Variants in PLEKHM3 observed in about 807,000 individuals in gnomAD.
PLEKHM3 encodes pleckstrin homology domain-containing family M member 3.
Under a neutral mutation model 81.8 loss-of-function variants are expected in PLEKHM3, and 45 were observed. That is an observed-to-expected ratio of 0.55 (90% CI 0.43 to 0.71). The LOEUF (loss-of-function observed/expected upper bound fraction) is 0.71, where lower values mean the gene tolerates loss of function less well. Ranked by LOEUF, PLEKHM3 falls within the 30% of genes least tolerant of loss-of-function variation. PLEKHM3 has a pLI of 0.00. For missense variants in PLEKHM3, 788 were observed against 924.3 expected, an observed-to-expected ratio of 0.85 and a Z score of 1.91; for synonymous variants, 352 against 356.4, an observed-to-expected ratio of 0.99 and a Z score of 0.14.
At chr2:207,940,070 C>T (rs1559247419) in intron 4 of PLEKHM3, among the ~76,000 whole-genome samples, 1 of 152,056 alleles carries the variant, frequency 6.6e-6, no homozygotes, top group Non-Finnish European at 1.5e-5. Context: ...TTTGATGTTC[C>T]CAGGGGACAG....
chr2:208,017,379 G>A (rs1692957291), intron 1 of PLEKHM3, among the ~76,000 whole-genome samples: 1 of 152,150 alleles, frequency 6.6e-6, no homozygotes, highest in South Asian at 2.1e-4. Context: ...AACTGGTGGA[G>A]GGAGTGGCGA....
At chr2:207,930,573 G>A (rs575830859) in intron 5 of PLEKHM3, among the ~76,000 whole-genome samples, 53 of 152,094 alleles carry the variant, frequency 3.5e-4, no homozygotes, top group African/African-American at 1.2e-3. Context: ...TTGAAATTGG[G>A]AAAAGTATAA....
intron 3 of PLEKHM3, among the ~76,000 whole-genome samples, chr2:207,955,601 C>T (rs1249460707): frequency 6.6e-6 from 1 of 152,048 alleles, no homozygotes; most frequent in African/African-American, 2.4e-5. Context: ...AGGTATTATG[C>T]CCATTTTACA....
intron 7 of PLEKHM3, among the ~76,000 whole-genome samples, chr2:207,844,360 T>G (rs1439144073): frequency 1.3e-5 from 2 of 150,146 alleles, no homozygotes; most frequent in African/African-American, 4.9e-5. Flanking sequence ...TGGAGTGCAG[T>G]GGCGCGATCT....
At chr2:207,886,256 A>G (rs1574371619) in intron 6 of PLEKHM3, among the ~76,000 whole-genome samples, 1 of 152,204 alleles carries the variant, frequency 6.6e-6, no homozygotes, top group Admixed American at 6.5e-5. Context: ...CACGGAGGGA[A>G]ATGGGGAATC....
intron 1 of PLEKHM3, among the ~76,000 whole-genome samples, chr2:208,014,475 C>T (rs1034461223): frequency 5.9e-5 from 9 of 152,174 alleles, no homozygotes; most frequent in African/African-American, 1.4e-4. Flanking sequence ...GAAACCCCGT[C>T]TCTACTAAAA....
intron 5 of PLEKHM3, among the ~76,000 whole-genome samples, chr2:207,925,140 G>GT (rs1189512339): frequency 9.3e-5 from 11 of 118,372 alleles, no homozygotes; most frequent in African/African-American, 2.0e-4. Flanking sequence ...TTGTTTTTTT[G>GT]TTTTTTGTTT....
chr2:207,876,605 T>C (rs186631427), intron 6 of PLEKHM3, among the ~76,000 whole-genome samples: 105 of 152,344 alleles, frequency 6.9e-4, no homozygotes, highest in African/African-American at 2.3e-3. Context: ...GCAGTGTCAA[T>C]AGCCATATCT....
chr2:207,998,728 A>C (rs191281356), intron 2 of PLEKHM3, among the ~76,000 whole-genome samples: 1 of 152,326 alleles, frequency 6.6e-6, no homozygotes, highest in East Asian at 1.9e-4. Flanking sequence ...TACAGAGCCT[A>C]ATGAAGGCTG....
chr2:207,984,537 C>T (rs111672418), intron 2 of PLEKHM3, among the ~76,000 whole-genome samples: 2,674 of 152,226 alleles, frequency 0.018, 82 homozygotes, highest in African/African-American at 0.061. Context: ...TGTGCCACCA[C>T]ACCCAGCTGG....
intron 2 of PLEKHM3, among the ~76,000 whole-genome samples, chr2:207,981,532 A>G (rs1691523973): frequency 6.6e-6 from 1 of 152,090 alleles, no homozygotes; most frequent in Non-Finnish European, 1.5e-5. Context: ...TTCTTTGTAG[A>G]GAAGGAATCT....
chr2:207,925,288 C>T (rs1219421938), intron 5 of PLEKHM3, among the ~76,000 whole-genome samples: 2 of 151,912 alleles, frequency 1.3e-5, no homozygotes, highest in Non-Finnish European at 2.9e-5. Flanking sequence ...CCAGAGTCCG[C>T]ATCTCATAAC....
chr2:207,874,544 AGCCTGG>A (rs746841393), intron 6 of PLEKHM3, among the ~76,000 whole-genome samples: 1 of 151,438 alleles, frequency 6.6e-6, no homozygotes, highest in Non-Finnish European at 1.5e-5. Context: ...TTTGCACTCC[AGCCTGG>A]GCAACAAGAA....
chr2:207,994,785 C>T (rs1692014978), intron 2 of PLEKHM3, among the ~76,000 whole-genome samples: 1 of 152,170 alleles, frequency 6.6e-6, no homozygotes, highest in African/African-American at 2.4e-5. Flanking sequence ...ACTATTCAAT[C>T]CTCAGATGAT....
At chr2:207,975,828 C>T (rs941687810) in intron 3 of PLEKHM3, among the ~76,000 whole-genome samples, 6 of 151,296 alleles carry the variant, frequency 4.0e-5, no homozygotes, top group Non-Finnish European at 8.8e-5. Context: ...AACTCCTGAC[C>T]TCAAGTAATC....
intron 7 of PLEKHM3, among the ~76,000 whole-genome samples, chr2:207,844,553 G>A (rs1259585911): frequency 6.6e-6 from 1 of 151,164 alleles, no homozygotes; most frequent in Non-Finnish European, 1.5e-5. Context: ...TGATCCACCC[G>A]CCTAGGCCTC....
At chr2:207,983,415 T>C (rs1398179917) in intron 2 of PLEKHM3, among the ~76,000 whole-genome samples, 1 of 152,184 alleles carries the variant, frequency 6.6e-6, no homozygotes, top group East Asian at 1.9e-4. Context: ...AAGAGTCAAC[T>C]GTAATATAAT....
chr2:207,942,770 T>C (rs1001009885), intron 4 of PLEKHM3, among the ~76,000 whole-genome samples: 4 of 152,074 alleles, frequency 2.6e-5, no homozygotes, highest in Non-Finnish European at 5.9e-5. Context: ...TGTGGTGGCA[T>C]GTGCCTGTAG....
At chr2:207,955,235 A>T (rs1690464007) in intron 3 of PLEKHM3, among the ~76,000 whole-genome samples, 1 of 152,168 alleles carries the variant, frequency 6.6e-6, no homozygotes, top group African/African-American at 2.4e-5. Flanking sequence ...GTGTAAGATA[A>T]GTTTAATATT....
Sources: allele counts gnomAD v4.1 joint callset (sites outside exome capture counted in the v4.1 genomes callset), GRCh38; gene constraint gnomAD v4.1.1; transcripts MANE v1.5; gene names NCBI Gene and HGNC (gene_info 2026-07-23, HGNC 2026-07-21).